The following GPC6 variants were observed in gnomAD, a reference collection of about 807,000 sequenced individuals.
GPC6 encodes glypican-6.
A neutral mutation model predicts 55.2 loss-of-function variants in GPC6; 14 were observed. The ratio of observed to expected loss-of-function variants is 0.25; its 90% CI spans 0.17 to 0.40. GPC6 has a LOEUF of 0.40. Among genes scored for constraint, GPC6 ranks in the 10% least tolerant of loss-of-function variants. The probability of loss-of-function intolerance (pLI) is 1.00; values close to 1 mark genes in which losing one functional copy is unlikely to be tolerated. For synonymous variants in GPC6, 278 were observed against 259.6 expected (o/e 1.07, Z -0.68); for missense variants, 641 against 708.5 (o/e 0.90, Z 1.08).
intron 2 of GPC6, among the ~76,000 whole-genome samples, chr13:93,579,617 G>C (rs1402094084): frequency 6.6e-6 from 1 of 152,080 alleles, no homozygotes; most frequent in Non-Finnish European, 1.5e-5. Context: ...AGGGCTTTCT[G>C]TGATTTGTAT....
intron 3 of GPC6, among the ~76,000 whole-genome samples, chr13:93,892,470 T>C: frequency 6.6e-6 from 1 of 152,206 alleles, no homozygotes; most frequent in African/African-American, 2.4e-5. Flanking sequence ...AATGGGACAC[T>C]GCCCACATGT....
intron 4 of GPC6, among the ~76,000 whole-genome samples, chr13:94,069,882 C>T (rs1228403912): frequency 6.6e-6 from 1 of 152,152 alleles, no homozygotes; most frequent in Non-Finnish European, 1.5e-5. Flanking sequence ...CAAACTTTCC[C>T]ACGTTTTTCT....
chr13:93,587,043 T>C (rs1404600063), intron 2 of GPC6, among the ~76,000 whole-genome samples: 2 of 152,170 alleles, frequency 1.3e-5, no homozygotes, highest in African/African-American at 4.8e-5. Context: ...GTATCCCTAG[T>C]AGGAGGTTGC....
At chr13:93,336,586 T>C (rs1018480473) in intron 1 of GPC6, among the ~76,000 whole-genome samples, 1 of 152,216 alleles carries the variant, frequency 6.6e-6, no homozygotes, top group Admixed American at 6.5e-5. Context: ...ATCCTCAATT[T>C]GTAGGAAGCG....
At chr13:93,631,454 C>T (rs541349477) in intron 2 of GPC6, among the ~76,000 whole-genome samples, 3 of 152,282 alleles carry the variant, frequency 2.0e-5, no homozygotes, top group South Asian at 2.1e-4. Context: ...GACTTCCAGC[C>T]TCCAGAACCA....
chr13:94,307,601 A>G (rs553555283), intron 6 of GPC6, among the ~76,000 whole-genome samples: 1 of 152,282 alleles, frequency 6.6e-6, no homozygotes. Flanking sequence ...GCATGAGCCA[A>G]CGTGCTCAGC....
chr13:94,002,475 C>T (rs944450832), intron 3 of GPC6, among the ~76,000 whole-genome samples: 2 of 152,042 alleles, frequency 1.3e-5, no homozygotes, highest in Non-Finnish European at 2.9e-5. Flanking sequence ...TCAATATTGA[C>T]CTAGATTTAT....
At chr13:93,891,722 A>AGT (rs548742127) in intron 3 of GPC6, among the ~76,000 whole-genome samples, 3 of 151,884 alleles carry the variant, frequency 2.0e-5, no homozygotes, top group Non-Finnish European at 2.9e-5. Flanking sequence ...GTGTGCATAC[A>AGT]GTGTGTGTGT....
At chr13:94,053,007 T>C (rs1288725822) in intron 4 of GPC6, among the ~76,000 whole-genome samples, 1 of 152,090 alleles carries the variant, frequency 6.6e-6, no homozygotes, top group Non-Finnish European at 1.5e-5. Context: ...TCACCTCCCG[T>C]TTTCTCAAGC....
In GPC6 at chr13:94,335,901, A is replaced by AT. The variant is rs57333414; in HGVS notation, c.1152+29795dup. Among the ~76,000 whole-genome samples the AT allele has an allele frequency of 1.7e-3, 250 of 147,068 alleles. 2 individuals are homozygous for AT. The highest frequency in any genetic ancestry group is 0.017 in the East Asian group (83 of 4,990). ...CCCTGCTCTCTTCACTGTTGTTGTG[A>AT]TTTTTTTTTTTTTTTTTCCTTCTTG... On this transcript the variant is annotated intron_variant, in intron 6 of 8. Coordinates refer to ENST00000377047, the MANE Select transcript of GPC6 (RefSeq NM_005708.5).
chr13:94,136,374 G>A (rs1887186151), intron 4 of GPC6, among the ~76,000 whole-genome samples: 1 of 152,134 alleles, frequency 6.6e-6, no homozygotes, highest in Non-Finnish European at 1.5e-5. Context: ...TAAGAAGGGT[G>A]TGCATGGACT....
chr13:94,382,671 C>T (rs1265470576), intron 7 of GPC6, 121 bp downstream of exon 7: 5 of 1,281,848 alleles, frequency 3.9e-6, no homozygotes, highest in Admixed American at 1.9e-5. Flanking sequence ...AGGGACAAGT[C>T]ATCACTTAGC....
At chr13:93,398,364 T>C (rs533960529) in intron 1 of GPC6, among the ~76,000 whole-genome samples, 1 of 152,310 alleles carries the variant, frequency 6.6e-6, no homozygotes, top group Admixed American at 6.5e-5. Context: ...TCAGAATGAG[T>C]AATGGTGATT....
At chr13:94,366,053 A>G (rs762606806) in intron 6 of GPC6, among the ~76,000 whole-genome samples, 3 of 152,198 alleles carry the variant, frequency 2.0e-5, no homozygotes, top group Non-Finnish European at 2.9e-5. Flanking sequence ...TGAAATTTCA[A>G]TATTTTCAGA....
intron 4 of GPC6, among the ~76,000 whole-genome samples, chr13:94,094,423 TTATAAA>T (rs2138816408): frequency 6.6e-6 from 1 of 152,252 alleles, no homozygotes; most frequent in East Asian, 1.9e-4. Flanking sequence ...CCACAAATCC[TTATAAA>T]TATAAAGGTA....
At chr13:93,668,406 T>G (rs1165411384) in intron 2 of GPC6, among the ~76,000 whole-genome samples, 1 of 152,224 alleles carries the variant, frequency 6.6e-6, no homozygotes, top group Non-Finnish European at 1.5e-5. Context: ...ATTTCTTGCC[T>G]GATAGTGTAG....
chr13:94,083,201 C>T (rs1404320381), intron 4 of GPC6, among the ~76,000 whole-genome samples: 1 of 152,154 alleles, frequency 6.6e-6, no homozygotes, highest in African/African-American at 2.4e-5. Context: ...TCACTGCAAG[C>T]TCTGCCTCCC....
At chr13:93,855,230 T>G (rs915110823) in intron 3 of GPC6, among the ~76,000 whole-genome samples, 1 of 151,668 alleles carries the variant, frequency 6.6e-6, no homozygotes, top group African/African-American at 2.4e-5. Context: ...TTGTATTGTC[T>G]CTATAGTTTT....
intron 2 of GPC6, among the ~76,000 whole-genome samples, chr13:93,809,147 A>C (rs1360058386): frequency 3.9e-5 from 6 of 152,166 alleles, no homozygotes; most frequent in African/African-American, 1.4e-4. Context: ...CTACCTGGCA[A>C]ATACGCCTCT....
Sources: allele counts gnomAD v4.1 joint callset (sites outside exome capture counted in the v4.1 genomes callset), GRCh38; gene constraint gnomAD v4.1.1; transcripts MANE v1.5; gene names NCBI Gene and HGNC (gene_info 2026-07-23, HGNC 2026-07-21).